The following MOB3B variants were observed in gnomAD, a reference collection of about 807,000 sequenced individuals.
MOB3B encodes MOB kinase activator 3B.
In MOB3B, 7 loss-of-function variants were observed where a neutral mutation model predicts 18.7. That is an observed-to-expected ratio of 0.37 (90% CI 0.21 to 0.70). The LOEUF is 0.70. Ranked by LOEUF, MOB3B falls within the 30% of genes least tolerant of loss-of-function variation. The probability of loss-of-function intolerance (pLI) is 0.52; values close to 1 mark genes in which losing one functional copy is unlikely to be tolerated. For synonymous variants in MOB3B, 111 were observed against 99.9 expected (o/e 1.11, Z -0.66); for missense variants, 253 against 281.3 (o/e 0.90, Z 0.72).
At chr9:27,372,061 A>G (rs1385333024) in intron 2 of MOB3B, among the ~76,000 whole-genome samples, 2 of 152,216 alleles carry the variant, frequency 1.3e-5, no homozygotes, top group African/African-American at 4.8e-5. Context: ...CATGAAACAC[A>G]TGGATCTTGG....
At chr9:27,386,736 C>T (rs1309688706) in intron 2 of MOB3B, among the ~76,000 whole-genome samples, 1 of 152,224 alleles carries the variant, frequency 6.6e-6, no homozygotes, top group African/African-American at 2.4e-5. Context: ...ATTCAGAGCA[C>T]ATCTTGAAGG....
intron 3 of MOB3B, among the ~76,000 whole-genome samples, chr9:27,349,252 A>G (rs1389109726): frequency 6.6e-6 from 1 of 152,212 alleles, no homozygotes; most frequent in Non-Finnish European, 1.5e-5. Context: ...GTTTCATAGG[A>G]GGAAGTGCTC....
At position 27,529,609 on chromosome 9, in the gene MOB3B, T is replaced by C; in HGVS notation, c.-253A>G. Reference sequence around the variant, plus strand: ...GGTCGGCTCCCTTCGCCGGGTCAGCTGCAGCCAGCGCGAAAGAAAATGGTG... The same window carrying C: ...GGTCGGCTCCCTTCGCCGGGTCAGCCGCAGCCAGCGCGAAAGAAAATGGTG... On this transcript the variant is annotated 5_prime_UTR_variant, in exon 1 of 4. Transcript: ENST00000262244. 1.0e-6 allele frequency: 1 copy of C among 985,756 alleles called. No individual in the cohort carries two copies. The highest frequency in any genetic ancestry group is 4.7e-5 in the South Asian group (1 of 21,294). The allele number at this position is 985,756 out of a possible 1,614,324, so 61.1% of individuals were successfully genotyped here. A position where few individuals can be genotyped will look rare whatever the true frequency, so the allele number is the denominator to read the frequency against.
chr9:27,444,624 A>G (rs569578809), intron 2 of MOB3B, among the ~76,000 whole-genome samples: 3 of 152,302 alleles, frequency 2.0e-5, no homozygotes, highest in Admixed American at 6.5e-5. Flanking sequence ...TTTTAGAGAG[A>G]GGAAAGGTTA....
intron 1 of MOB3B, among the ~76,000 whole-genome samples, chr9:27,514,394 C>T (rs529893250): frequency 9.6e-5 from 14 of 146,172 alleles, no homozygotes; most frequent in Admixed American, 9.5e-4. Context: ...CCTTAGATTC[C>T]TATATCTGGA....
intron 2 of MOB3B, among the ~76,000 whole-genome samples, chr9:27,452,922 T>C (rs958226199): frequency 6.6e-6 from 1 of 152,174 alleles, no homozygotes; most frequent in Non-Finnish European, 1.5e-5. Flanking sequence ...AAACTTCAGT[T>C]AGATAGAAAG....
intron 2 of MOB3B, among the ~76,000 whole-genome samples, chr9:27,368,843 G>A (rs1046217274): frequency 3.3e-5 from 5 of 152,102 alleles, no homozygotes; most frequent in African/African-American, 7.2e-5. Context: ...TGAGTCCAGC[G>A]TGCCTGCTCG....
chr9:27,382,925 T>C (rs1290434424), intron 2 of MOB3B, among the ~76,000 whole-genome samples: 1 of 152,046 alleles, frequency 6.6e-6, no homozygotes, highest in East Asian at 1.9e-4. Flanking sequence ...GTGTTAAAGA[T>C]ATGAATGATG....
At chr9:27,524,045 G>C (rs1200091279) in intron 1 of MOB3B, among the ~76,000 whole-genome samples, 1 of 151,174 alleles carries the variant, frequency 6.6e-6, no homozygotes, top group Non-Finnish European at 1.5e-5. Context: ...CTTAGTGCTG[G>C]GATGGATCAT....
At position 27,464,633 on chromosome 9, in the gene MOB3B, T is replaced by A. The variant is rs148387208; in HGVS notation, c.-198-8885A>T. 4.6e-4 allele frequency among the ~76,000 whole-genome samples: 70 copies of A among 152,328 alleles called. 1 individual carries two copies. The highest frequency in any genetic ancestry group is 1.5e-3 in the African/African-American group (61 of 41,564). ...ACTTTCTAAACTGTTTAAAAAGTTATTTTTTATATTAGCTCATTTTCATGC... is the reference window on the plus strand; with the variant it reads ...ACTTTCTAAACTGTTTAAAAAGTTAATTTTTATATTAGCTCATTTTCATGC... On this transcript the variant is annotated intron_variant, in intron 1 of 3. Transcript: ENST00000262244.
rs528785295 is a variant in MOB3B, at chr9:27,499,662, C to T, written c.-199+29893G>A. On this transcript the variant is annotated intron_variant, in intron 1 of 3. Coordinates refer to ENST00000262244, the MANE Select transcript of MOB3B (RefSeq NM_024761.5). ...ACACTGCCATTTCTCGTTAGAATGG[C>T]AACTTCTAGTTTGTGAAGGAAATGA... Among the ~76,000 whole-genome samples, 3 of 152,290 alleles carry T rather than the reference C, an allele frequency of 2.0e-5. No individual in the cohort carries two copies. In the South Asian group the frequency reaches 6.2e-4, roughly 32 times the overall value.
intron 2 of MOB3B, among the ~76,000 whole-genome samples, chr9:27,431,769 A>C (rs1822421526): frequency 6.6e-6 from 1 of 152,214 alleles, no homozygotes. Flanking sequence ...GAAGAAGAGA[A>C]AGAACATTCT....
chr9:27,408,683 G>A (rs1047236495), intron 2 of MOB3B, among the ~76,000 whole-genome samples: 9 of 152,098 alleles, frequency 5.9e-5, no homozygotes, highest in African/African-American at 2.2e-4. Flanking sequence ...TAAGGTCCTG[G>A]TGGTTGGGCT....
chr9:27,375,421 T>C (rs1438600499), intron 2 of MOB3B, among the ~76,000 whole-genome samples: 1 of 152,230 alleles, frequency 6.6e-6, no homozygotes, highest in East Asian at 1.9e-4. Context: ...GTTTTCTCCA[T>C]ATGTTCTTTC....
intron 3 of MOB3B, among the ~76,000 whole-genome samples, chr9:27,351,595 T>G (rs1183291265): frequency 6.6e-6 from 1 of 152,246 alleles, no homozygotes; most frequent in East Asian, 1.9e-4. Flanking sequence ...CAGAGGCCTC[T>G]GTACAGATGA....
intron 1 of MOB3B, among the ~76,000 whole-genome samples, chr9:27,506,120 A>G (rs1820055727): frequency 6.6e-6 from 1 of 152,126 alleles, no homozygotes; most frequent in Non-Finnish European, 1.5e-5. Flanking sequence ...CTGGATCGCT[A>G]CTGCAGTGGG....
intron 2 of MOB3B, among the ~76,000 whole-genome samples, chr9:27,364,391 A>G (rs541557000): frequency 3.5e-4 from 53 of 152,314 alleles, no homozygotes; most frequent in African/African-American, 1.3e-3. Flanking sequence ...CTTGGCTAAA[A>G]AGAGAGGATT....
rs895063323 is a variant in MOB3B at position 27,326,422 on chromosome 9, C to A, written c.*4165G>T. On this transcript the variant is annotated 3_prime_UTR_variant, in exon 4 of 4. Coordinates refer to ENST00000262244, the MANE Select transcript of MOB3B (RefSeq NM_024761.5). ...TCACTTATTATATATCATCTTTGGA[C>A]CTTTCTAAAAGTGGGACACTAGAAA... 3.5e-5 allele frequency: 14 copies of A among 398,348 alleles called. No homozygotes were observed. The highest frequency in any genetic ancestry group is 2.9e-4 in the African/African-American group (14 of 48,594). The allele number at this position is 398,348 out of a possible 1,614,324, so 24.7% of individuals were successfully genotyped here. A position where few individuals can be genotyped will look rare whatever the true frequency, so the allele number is the denominator to read the frequency against.
intron 3 of MOB3B, among the ~76,000 whole-genome samples, chr9:27,353,892 C>T (rs1191511829): frequency 6.6e-6 from 1 of 152,252 alleles, no homozygotes; most frequent in Non-Finnish European, 1.5e-5. Context: ...CCTGCTTATT[C>T]AATCAGGGCC....
Sources: gnomAD v4.1 joint callset for allele counts (sites outside exome capture counted in the v4.1 genomes callset) on GRCh38, gnomAD v4.1.1 for gene constraint, MANE v1.5 for transcripts, NCBI Gene and HGNC (gene_info 2026-07-23, HGNC 2026-07-21) for gene names.